GRID1: variants seen among roughly 807,000 people sequenced by gnomAD.
GRID1 encodes the protein glutamate ionotropic receptor delta type subunit 1, also known as glutamate receptor ionotropic, delta-1.
A neutral mutation model predicts 98.0 loss-of-function variants in GRID1; 28 were observed. The ratio of observed to expected loss-of-function variants is 0.29; its 90% CI spans 0.21 to 0.39. GRID1 has a LOEUF of 0.39. Among genes scored for constraint, GRID1 ranks in the 10% least tolerant of loss-of-function variants. GRID1 has a pLI of 1.00. For missense variants in GRID1, 1,111 were observed against 1,340.5 expected (o/e 0.83, Z 2.67); for synonymous variants, 553 against 538.5 (o/e 1.03, Z -0.37).
intron 4 of GRID1, 109 bp downstream of exon 4, chr10:86,138,710 T>C (rs1844965174): frequency 6.1e-6 from 5 of 816,056 alleles, no homozygotes; most frequent in East Asian, 2.5e-5. Flanking sequence ...CGGGTCTCCA[T>C]GTCCGTTTAG....
intron 3 of GRID1, among the ~76,000 whole-genome samples, chr10:86,179,729 A>G (rs1348693015): frequency 6.6e-6 from 1 of 152,182 alleles, no homozygotes; most frequent in African/African-American, 2.4e-5. Context: ...AAACCAGTGC[A>G]TCATGTCTAA....
At chr10:86,348,689 C>T (rs557405670) in intron 2 of GRID1, among the ~76,000 whole-genome samples, 1 of 152,366 alleles carries the variant, frequency 6.6e-6, no homozygotes, top group Middle Eastern at 3.4e-3. Context: ...GTGACAGCGT[C>T]CCAGGGCAAG....
rs116731236 is a variant in GRID1 at position 85,752,504 on chromosome 10, C to T, written c.1234-22890G>A. The stretch of plus-strand genomic sequence containing the variant: ...AATGGAATTTTGACAAGTGGAGATA[C>T]AGATAAATTTTGTTAAATGTCTTGC... On this transcript the variant is annotated intron_variant, in intron 8 of 15. Transcript: ENST00000327946. Among the ~76,000 whole-genome samples the T allele has an allele frequency of 1.6e-3, 240 of 152,236 alleles. 1 individual carries two copies. The highest frequency in any genetic ancestry group is 5.7e-3 in the African/African-American group (235 of 41,536).
rs76519418 is a variant in GRID1 at position 85,722,507 on chromosome 10, T to C, written c.1997+496A>G. Among the ~76,000 whole-genome samples, 329 of 152,308 alleles carry C rather than the reference T, an allele frequency of 2.2e-3. 2 individuals carry two copies. The East Asian group carries it at 0.046, about 21-fold the overall frequency. The stretch of plus-strand genomic sequence containing the variant: ...CCATAATCTTAACATTTTGTAAACA[T>C]GAAGACACATTTTTAGTCTTGGTTT... On this transcript the variant is annotated intron_variant, in intron 12 of 15. Coordinates refer to ENST00000327946, the MANE Select transcript of GRID1 (RefSeq NM_017551.3).
intron 2 of GRID1, among the ~76,000 whole-genome samples, chr10:86,329,213 C>T (rs1454198764): frequency 6.6e-6 from 1 of 152,236 alleles, no homozygotes; most frequent in Non-Finnish European, 1.5e-5. Context: ...CTTGCCCTGG[C>T]CAGCCCCGCT....
chr10:85,826,250 G>A (rs536363496), intron 8 of GRID1, among the ~76,000 whole-genome samples: 16 of 152,276 alleles, frequency 1.1e-4, no homozygotes, highest in Middle Eastern at 3.4e-3. Flanking sequence ...CAGGAGAATC[G>A]CTTGAACCCT....
chr10:86,119,757 T>C (rs1421737600), intron 4 of GRID1, among the ~76,000 whole-genome samples: 1 of 152,044 alleles, frequency 6.6e-6, no homozygotes, highest in African/African-American at 2.4e-5. Context: ...AGGAGGCACA[T>C]TTATGCTGCA....
rs946129348 is a variant in GRID1 at position 86,051,689 on chromosome 10, A to C, written c.726+87130T>G. Reference sequence around the variant, plus strand: ...AAATAACTCCTGAGCATGTGATAAGATGCTTAATCTTGTTCAAAAGAGAAA... The same window carrying C: ...AAATAACTCCTGAGCATGTGATAAGCTGCTTAATCTTGTTCAAAAGAGAAA... On this transcript the variant is annotated intron_variant, in intron 4 of 15. Coordinates refer to ENST00000327946, the MANE Select transcript of GRID1 (RefSeq NM_017551.3). Among the ~76,000 whole-genome samples the C allele has an allele frequency of 3.3e-5, 5 of 152,232 alleles. No homozygotes were observed. The East Asian group carries it at 9.6e-4, about 29-fold the overall frequency.
At chr10:85,853,801 A>G (rs895162435) in intron 8 of GRID1, among the ~76,000 whole-genome samples, 5 of 152,162 alleles carry the variant, frequency 3.3e-5, no homozygotes, top group Non-Finnish European at 7.4e-5. Flanking sequence ...TTGTGTCATG[A>G]GTCCACTTAA....
At chr10:85,936,899 T>A (rs995787875) in intron 4 of GRID1, among the ~76,000 whole-genome samples, 3 of 152,252 alleles carry the variant, frequency 2.0e-5, no homozygotes, top group African/African-American at 7.2e-5. Context: ...ACATTTGTTT[T>A]TCAACTCAAT....
At chr10:85,627,759 A>C (rs542917976) in intron 13 of GRID1, among the ~76,000 whole-genome samples, 110 of 152,312 alleles carry the variant, frequency 7.2e-4, no homozygotes, top group African/African-American at 2.4e-3. Flanking sequence ...CCTAAAAGGA[A>C]GGTTGGGAGT....
chr10:86,131,736 T>A (rs76454226), intron 4 of GRID1, among the ~76,000 whole-genome samples: 5,678 of 152,216 alleles, frequency 0.037, 181 homozygotes, highest in Admixed American at 0.11. Flanking sequence ...ATATCAAAAA[T>A]CAAACATTAA....
At chr10:85,668,211 C>T (rs533224750) in intron 12 of GRID1, among the ~76,000 whole-genome samples, 1 of 152,314 alleles carries the variant, frequency 6.6e-6, no homozygotes, top group South Asian at 2.1e-4. Flanking sequence ...CAACCTGGCC[C>T]TTCCTGGCCA....
intron 12 of GRID1, among the ~76,000 whole-genome samples, chr10:85,685,547 A>G (rs893230452): frequency 2.1e-4 from 32 of 152,198 alleles, no homozygotes; most frequent in African/African-American, 7.0e-4. Context: ...AACTTAAAAC[A>G]CTGATCCAAA....
chr10:85,737,993 G>A (rs138344311), intron 8 of GRID1, among the ~76,000 whole-genome samples: 218 of 152,082 alleles, frequency 1.4e-3, no homozygotes, highest in African/African-American at 5.0e-3. Context: ...TTAAAGGTCA[G>A]ATGTGGGCCA....
chr10:86,225,379 C>G (rs1846324221), intron 2 of GRID1, among the ~76,000 whole-genome samples: 1 of 152,152 alleles, frequency 6.6e-6, no homozygotes, highest in Admixed American at 6.5e-5. Context: ...GATATAACAC[C>G]AAGGGAAGCA....
At chr10:86,136,480 C>G (rs1018950376) in intron 4 of GRID1, among the ~76,000 whole-genome samples, 3 of 152,310 alleles carry the variant, frequency 2.0e-5, no homozygotes, top group African/African-American at 7.2e-5. Flanking sequence ...AAAATCCGGA[C>G]TTGAATCCTG....
At chr10:85,632,809 GC>G (rs1335286195) in intron 13 of GRID1, among the ~76,000 whole-genome samples, 1 of 152,176 alleles carries the variant, frequency 6.6e-6, no homozygotes, top group Non-Finnish European at 1.5e-5. Context: ...ATGGTGGTTT[GC>G]CACACCTATC....
At chr10:85,807,473 T>C (rs1842633517) in intron 8 of GRID1, among the ~76,000 whole-genome samples, 1 of 152,150 alleles carries the variant, frequency 6.6e-6, no homozygotes, top group South Asian at 2.1e-4. Flanking sequence ...GATAATCATG[T>C]GACTTAAAAT....
Sources: gnomAD v4.1 joint callset for allele counts (sites outside exome capture counted in the v4.1 genomes callset) on GRCh38, gnomAD v4.1.1 for gene constraint, MANE v1.5 for transcripts, NCBI Gene and HGNC (gene_info 2026-07-23, HGNC 2026-07-21) for gene names.